Variants in PCDH11X observed in about 807,000 individuals in gnomAD.
The protein encoded by PCDH11X is protocadherin-11 X-linked.
Under a neutral mutation model 53.3 loss-of-function variants are expected in PCDH11X, and 18 were observed. The observed-to-expected ratio is 0.34, with a 90% confidence interval of 0.23 to 0.50. The LOEUF (loss-of-function observed/expected upper bound fraction) is 0.50. PCDH11X is among the 20% of genes least tolerant of loss of function. PCDH11X has a pLI of 0.98. For missense variants in PCDH11X, 570 were observed against 1,032.4 expected (o/e 0.55, Z 6.14); for synonymous variants, 279 against 393.3 (o/e 0.71, Z 3.44).
intron 6 of PCDH11X, among the ~76,000 whole-genome samples, chrX:91,996,307 C>G (rs1488970659): frequency 9.8e-6 from 1 of 102,013 alleles, no homozygotes; most frequent in Non-Finnish European, 2.0e-5. Flanking sequence ...CACCACCACG[C>G]CCAGCTAATT....
chrX:92,182,004 G>A (rs1476066698), intron 6 of PCDH11X, among the ~76,000 whole-genome samples: 2 of 111,839 alleles, frequency 1.8e-5, no homozygotes, highest in Admixed American at 9.5e-5. Context: ...CATAATGATA[G>A]ATCCACTGAC....
intron 7 of PCDH11X, among the ~76,000 whole-genome samples, chrX:92,216,427 CGATCAACTGGAA>C (rs1469673576): frequency 9.8e-6 from 1 of 102,494 alleles, no homozygotes; most frequent in Non-Finnish European, 2.0e-5. Flanking sequence ...GGAGCCGATG[CGATCAACTGGAA>C]GAAAGGGTAT....
intron 10 of PCDH11X, among the ~76,000 whole-genome samples, chrX:92,511,511 T>A (rs2148707015): frequency 8.9e-6 from 1 of 112,197 alleles, no homozygotes; most frequent in South Asian, 3.7e-4. Context: ...CTCAATGAAA[T>A]AATTTTTTTA....
At chrX:92,252,061 T>A (rs1352976556) in intron 7 of PCDH11X, among the ~76,000 whole-genome samples, 1 of 111,120 alleles carries the variant, frequency 9.0e-6, no homozygotes, top group Non-Finnish European at 1.9e-5. Context: ...AATAAGCAAA[T>A]GTTGAGAATA....
At chrX:92,241,940 A>G (rs888934198) in intron 7 of PCDH11X, among the ~76,000 whole-genome samples, 6 of 110,710 alleles carry the variant, frequency 5.4e-5, no homozygotes, top group Non-Finnish European at 9.4e-5. Context: ...ATTTTATCAC[A>G]TGTGTATGTT....
intron 8 of PCDH11X, among the ~76,000 whole-genome samples, chrX:92,385,871 C>T (rs1277896940): frequency 9.0e-6 from 1 of 110,861 alleles, no homozygotes; most frequent in Admixed American, 9.7e-5. Flanking sequence ...GCCTTCTGAA[C>T]TCCTCAATAT....
intron 9 of PCDH11X, among the ~76,000 whole-genome samples, chrX:92,453,662 A>T (rs1384450651): frequency 9.0e-6 from 1 of 111,024 alleles, no homozygotes; most frequent in Non-Finnish European, 1.9e-5. Flanking sequence ...ATTTTTCAAT[A>T]ATTTTTTCTG....
At chrX:92,171,973 A>G (rs972528111) in intron 6 of PCDH11X, among the ~76,000 whole-genome samples, 5 of 109,822 alleles carry the variant, frequency 4.6e-5, no homozygotes, top group African/African-American at 1.7e-4. Flanking sequence ...ATCCTTTTAT[A>G]TGCTATTGTA....
chrX:92,595,408 C>A (rs1185497000), intron 10 of PCDH11X, among the ~76,000 whole-genome samples: 1 of 109,724 alleles, frequency 9.1e-6, no homozygotes, highest in Non-Finnish European at 1.9e-5. Flanking sequence ...GAATAAAATT[C>A]CAGCAATGCG....
chrX:92,178,308 G>T (rs756677715), intron 6 of PCDH11X, among the ~76,000 whole-genome samples: 1 of 111,348 alleles, frequency 9.0e-6, no homozygotes, highest in Non-Finnish European at 1.9e-5. Flanking sequence ...CAGTAAACTA[G>T]GATGGCTGCA....
chrX:92,390,237 A>G (rs1052093600), intron 9 of PCDH11X, among the ~76,000 whole-genome samples: 3 of 109,998 alleles, frequency 2.7e-5, no homozygotes, highest in African/African-American at 9.9e-5. Flanking sequence ...TCATGTTCCA[A>G]GAAAATTTTG....
At chrX:92,488,654 G>A (rs2148681741) in intron 10 of PCDH11X, among the ~76,000 whole-genome samples, 1 of 109,754 alleles carries the variant, frequency 9.1e-6, no homozygotes, top group South Asian at 3.9e-4. Context: ...GGAAGTTGTT[G>A]TTTGTATTCT....
chrX:92,463,608 G>C (rs893252523), intron 9 of PCDH11X, among the ~76,000 whole-genome samples: 1 of 111,410 alleles, frequency 9.0e-6, no homozygotes, highest in Non-Finnish European at 1.9e-5. Flanking sequence ...TATTGAGGAT[G>C]CTGAATCGGA....
intron 7 of PCDH11X, among the ~76,000 whole-genome samples, chrX:92,247,353 A>T (rs181169791): frequency 5.2e-4 from 58 of 111,332 alleles, no homozygotes; most frequent in African/African-American, 1.8e-3. Flanking sequence ...CCAGGCATTT[A>T]AAAAAAATAA....
chrX:92,481,551 C>T lies in PCDH11X; in HGVS notation c.3367+13229C>T, dbSNP rs751930801. ...GTCCCCAGGGCACCAGAGGTTGCACCGCAAAGAGGCAGAGTCAGGCTGGGC... is the reference window on the plus strand; with the variant it reads ...GTCCCCAGGGCACCAGAGGTTGCACTGCAAAGAGGCAGAGTCAGGCTGGGC... On this transcript the variant is annotated intron_variant, in intron 10 of 10. Transcript: ENST00000682573. Among the ~76,000 whole-genome samples the T allele has an allele frequency of 4.5e-3, 493 of 109,367 alleles. 5 individuals are homozygous for T. The highest frequency in any genetic ancestry group is 0.016 in the African/African-American group (465 of 29,997). 95.0% of individuals were successfully genotyped at this position (109,367 alleles called of 115,157 possible). A position where few individuals can be genotyped will look rare whatever the true frequency, so the allele number is the denominator to read the frequency against.
chrX:91,887,378 A>G (rs1940281005), intron 6 of PCDH11X, among the ~76,000 whole-genome samples: 1 of 111,293 alleles, frequency 9.0e-6, no homozygotes, highest in South Asian at 3.7e-4. Flanking sequence ...GTGATAATAC[A>G]AAGCTATATT....
intron 8 of PCDH11X, among the ~76,000 whole-genome samples, chrX:92,359,127 G>GA (rs1397652705): frequency 9.5e-6 from 1 of 105,623 alleles, no homozygotes; most frequent in Non-Finnish European, 2.0e-5. Flanking sequence ...CCTTTTGTTA[G>GA]AAAAAATATA....
intron 7 of PCDH11X, among the ~76,000 whole-genome samples, chrX:92,249,478 G>A (rs1275659516): frequency 8.9e-6 from 1 of 112,333 alleles, no homozygotes; most frequent in African/African-American, 3.2e-5. Flanking sequence ...TGTTTCAACT[G>A]ACATGCAATC....
intron 8 of PCDH11X, among the ~76,000 whole-genome samples, chrX:92,277,178 C>T (rs1010234483): frequency 2.7e-4 from 29 of 109,042 alleles, no homozygotes; most frequent in African/African-American, 8.7e-4. Flanking sequence ...AGGGGACAGG[C>T]AGGAGGGAAA....
Sources: allele counts gnomAD v4.1 joint callset (sites outside exome capture counted in the v4.1 genomes callset), GRCh38; gene constraint gnomAD v4.1.1; transcripts MANE v1.5; gene names NCBI Gene and HGNC (gene_info 2026-07-23, HGNC 2026-07-21).